Variants in AASS observed in about 807,000 individuals in gnomAD.
AASS encodes the protein aminoadipate-semialdehyde synthase, also known as alpha-aminoadipic semialdehyde synthase, mitochondrial.
Under a neutral mutation model 105.4 loss-of-function variants are expected in AASS, and 86 were observed. The ratio of observed to expected loss-of-function variants is 0.82; its 90% CI spans 0.69 to 0.98. AASS has a LOEUF of 0.98. Ranked by LOEUF, AASS falls within the 50% of genes least tolerant of loss-of-function variation. The pLI is 0.00. For missense variants in AASS, 1,048 were observed against 1,143.2 expected, an observed-to-expected ratio of 0.92 and a Z score of 1.20; for synonymous variants, 381 against 394.8, an observed-to-expected ratio of 0.96 and a Z score of 0.41.
intron 11 of AASS, among the ~76,000 whole-genome samples, chr7:122,111,612 A>G (rs1794934274): frequency 6.6e-6 from 1 of 152,174 alleles, no homozygotes; most frequent in South Asian, 2.1e-4. Context: ...TGTTAAGATT[A>G]TGTATTCGTG....
chr7:122,107,399 A>C (rs1285438648), intron 11 of AASS, among the ~76,000 whole-genome samples: 1 of 152,160 alleles, frequency 6.6e-6, no homozygotes, highest in African/African-American at 2.4e-5. Context: ...ATATACCCAA[A>C]GGAATATAAA....
At chr7:122,106,544 G>A (rs942763332) in intron 11 of AASS, among the ~76,000 whole-genome samples, 13 of 151,856 alleles carry the variant, frequency 8.6e-5, no homozygotes, top group South Asian at 8.3e-4. Flanking sequence ...CATAAGACTC[G>A]TACAAAACCA....
chr7:122,093,130 C>T lies in AASS; in HGVS notation c.1684G>A (p.Val562Met), dbSNP rs1793985919. 6.2e-7 allele frequency: 1 copy of T among 1,613,746 alleles called. No homozygotes were observed. Among genetic ancestry groups the T allele is most frequent in the African/African-American group, 1.3e-5 (1 of 74,894 alleles). Residue 562 changes from valine (V) to methionine (M), a missense_variant, in exon 16 of 24, where the codon GTG becomes ATG. Coordinates refer to ENST00000417368, the MANE Select transcript of AASS (RefSeq NM_005763.4). Reference sequence around the variant, plus strand: ...TTGTTTGTGATGCAGGCCTTGGCCACAAGAGGGTGCAATACATAAGGCAAC... The same window carrying T: ...TTGTTTGTGATGCAGGCCTTGGCCATAAGAGGGTGCAATACATAAGGCAAC... Reference protein sequence around the residue: ...SLLPYVLHPLVAKACITNKVN... With the variant: ...SLLPYVLHPLMAKACITNKVN...
At chr7:122,111,763 C>A (rs1055217043) in intron 11 of AASS, among the ~76,000 whole-genome samples, 3 of 151,944 alleles carry the variant, frequency 2.0e-5, no homozygotes, top group African/African-American at 7.3e-5. Flanking sequence ...ATTAGCCAGG[C>A]GTGGTGGCAC....
At chr7:122,129,792 A>G (rs1159287976) in intron 2 of AASS, among the ~76,000 whole-genome samples, 1 of 152,178 alleles carries the variant, frequency 6.6e-6, no homozygotes, top group Admixed American at 6.5e-5. Flanking sequence ...AGAAGAGTTT[A>G]TAATTTGGTC....
chr7:122,093,256 T>TGAGA, intron 15 of AASS, 98 bp from the exon 16 acceptor site: 1 of 894,348 alleles, frequency 1.1e-6, no homozygotes, highest in Non-Finnish European at 1.9e-6. Flanking sequence ...GGTACTGTTC[T>TGAGA]GATTAAATTA....
At position 122,074,181 on chromosome 7, in the gene AASS, T is replaced by TAA. The variant is rs1196954241; in HGVS notation, c.*2306_*2307dup. Reference sequence around the variant, plus strand: ...ATTATATATCTATTCCAGTGAGTGTTAAGTGATATCTCATTGTAGATCTCA... The same window carrying TAA: ...ATTATATATCTATTCCAGTGAGTGTTAAAAGTGATATCTCATTGTAGATCTCA... On this transcript the variant is annotated 3_prime_UTR_variant, in exon 24 of 24. Transcript: ENST00000417368. 1.3e-5 allele frequency among the ~76,000 whole-genome samples: 2 copies of TAA among 152,148 alleles called. No individual in the cohort carries two copies. The highest frequency in any genetic ancestry group is 2.4e-5 in the African/African-American group (1 of 41,472).
intron 21 of AASS, 79 bp downstream of exon 21, chr7:122,079,518 A>G: frequency 8.0e-7 from 1 of 1,255,092 alleles, no homozygotes; most frequent in South Asian, 1.2e-5. Context: ...CAAATGTAAA[A>G]TATTTAACTT....
In AASS at chr7:122,078,695, A is replaced by T. The variant is rs73440999; in HGVS notation, c.2485+167T>A. 4.5e-3 allele frequency among the ~76,000 whole-genome samples: 693 copies of T among 152,316 alleles called. 7 individuals carry two copies. The highest frequency in any genetic ancestry group is 0.016 in the African/African-American group (657 of 41,564). On this transcript the variant is annotated intron_variant, in intron 22 of 23. Coordinates refer to ENST00000417368, the MANE Select transcript of AASS (RefSeq NM_005763.4). ...TAATAACTAAGTTTATTTTTACCTA[A>T]TAATTCTCAAATTCCTCCCTCTGGA...
chr7:122,113,820 A>T lies in AASS; in HGVS notation c.1044-100T>A, dbSNP rs935687494. The stretch of plus-strand genomic sequence containing the variant: ...TGGAACAATTTTCAATGTGGATCCC[A>T]AATATTTTCCAGGCTTTTGGGGTCT... On this transcript the variant is annotated intron_variant, in intron 9 of 23. Transcript: ENST00000417368. 9.3e-6 allele frequency: 13 copies of T among 1,393,366 alleles called. No individual in the cohort carries two copies. In the African/African-American group the frequency reaches 1.7e-4, roughly 18 times the overall value. 86.3% of individuals were successfully genotyped at this position (1,393,366 alleles called of 1,614,324 possible).
intron 17 of AASS, among the ~76,000 whole-genome samples, chr7:122,092,112 T>TGTCAAAACTGACAAA (rs1193103052): frequency 1.3e-5 from 2 of 151,796 alleles, no homozygotes; most frequent in African/African-American, 2.4e-5. Context: ...CAATTCTGCT[T>TGTCAAAACTGACAAA]AGTCAGTTCC....
chr7:122,118,608 T>G lies in AASS; in HGVS notation c.495A>C (p.Gly165=), dbSNP rs765913167. 2.5e-6 allele frequency: 4 copies of G among 1,613,862 alleles called. No homozygotes were observed. The highest frequency in any genetic ancestry group is 3.4e-6 in the Non-Finnish European group (4 of 1,179,954). The part of the protein sequence containing the change: ...GVAGMINILH[G]MGLRLLALGH... ...CCAAAGCAAGGAGCCTTAAACCCAT[T>G]CCATGTAAAATGTTGATCATTCCTG... The change falls in exon 5 of 24, where the codon GGA becomes GGC. Residue 165 remains glycine, a synonymous_variant. Coordinates refer to ENST00000417368, the MANE Select transcript of AASS (RefSeq NM_005763.4).
Position 122,078,924 on chromosome 7 carries a change from A to G in AASS, c.2423T>C (p.Val808Ala). 1 of 1,614,098 alleles carries G rather than the reference A, an allele frequency of 6.2e-7. No homozygotes were observed. The highest frequency in any genetic ancestry group is 8.5e-7 in the Non-Finnish European group (1 of 1,180,002). The change falls in exon 22 of 24, where the codon GTT becomes GCT. Residue 808 changes from valine (V) to alanine (A), a missense_variant. Val to Ala is a moderately conservative substitution (Grantham distance 64, BLOSUM62 0). Transcript: ENST00000417368. ...ATCCAGAATGGACTCTGCCTGAGGA[A>G]CTTGTTCATCCCCAAGTAAGCCCAA... The part of the protein sequence containing the change: ...EWLGLLGDEQ[V>A]PQAESILDAL...
intron 3 of AASS, 55 bp from the exon 4 acceptor site, chr7:122,126,514 GT>G (rs1795663678): frequency 1.9e-5 from 26 of 1,397,204 alleles, no homozygotes; most frequent in Non-Finnish European, 2.6e-5. Context: ...ATTTTAACAA[GT>G]AAAGACATAT....
chr7:122,076,349 T>C lies in AASS; in HGVS notation c.*140A>G, dbSNP rs764966125. The C allele has an allele frequency of 6.6e-4, 456 of 690,240 alleles. 2 individuals are homozygous for C. The highest frequency in any genetic ancestry group is 8.6e-4 in the Non-Finnish European group (333 of 386,714). 42.8% of individuals were successfully genotyped at this position (690,240 alleles called of 1,614,324 possible). A position where few individuals can be genotyped will look rare whatever the true frequency, so the allele number is the denominator to read the frequency against. ...AACATTTCCATATTAAAATAAAGAT[T>C]TATAGTTCAAAAAGTACATTGTGTT... On this transcript the variant is annotated 3_prime_UTR_variant, in exon 24 of 24. Coordinates refer to ENST00000417368, the MANE Select transcript of AASS (RefSeq NM_005763.4).
chr7:122,117,919 G>T lies in AASS; in HGVS notation c.687+388C>A, dbSNP rs574606766. Among the ~76,000 whole-genome samples, 81 of 152,176 alleles carry T rather than the reference G, an allele frequency of 5.3e-4. 2 individuals are homozygous for T. In the South Asian group the frequency reaches 0.017, roughly 31 times the overall value. The stretch of plus-strand genomic sequence containing the variant: ...GATCCGCCTGCCTCGGCCTCCCAAA[G>T]CACTGGGATTATAGGTGTGAGCCAC... On this transcript the variant is annotated intron_variant, in intron 6 of 23. Coordinates refer to ENST00000417368, the MANE Select transcript of AASS (RefSeq NM_005763.4).
At chr7:122,086,667 G>A (rs964941304) in intron 18 of AASS, among the ~76,000 whole-genome samples, 1 of 151,562 alleles carries the variant, frequency 6.6e-6, no homozygotes. Flanking sequence ...TATTTAAATG[G>A]CTTCTATGCT....
At chr7:122,140,485 CAA>C (rs57828681) in intron 1 of AASS, among the ~76,000 whole-genome samples, 1,830 of 37,182 alleles carry the variant, frequency 0.049, 49 homozygotes, top group African/African-American at 0.19. Context: ...GACTCAGTCT[CAA>C]AAAAAAAAAA....
At chr7:122,127,099 T>A (rs279706) in intron 3 of AASS, among the ~76,000 whole-genome samples, 2 of 151,868 alleles carry the variant, frequency 1.3e-5, no homozygotes, top group Non-Finnish European at 2.9e-5. Flanking sequence ...CTTTTACAGG[T>A]AACCTTCCTA....
Sources: allele counts gnomAD v4.1 joint callset (sites outside exome capture counted in the v4.1 genomes callset), GRCh38; gene constraint gnomAD v4.1.1; transcripts MANE v1.5; gene names NCBI Gene and HGNC (gene_info 2026-07-23, HGNC 2026-07-21).